GABRA4: variants seen among roughly 807,000 people sequenced by gnomAD.
The protein encoded by GABRA4 is gamma-aminobutyric acid type A receptor subunit alpha4.
GABRA4 carries 12 observed loss-of-function variants against 49.7 expected under a neutral mutation model. The ratio of observed to expected loss-of-function variants is 0.24; its 90% CI spans 0.15 to 0.39. The LOEUF (loss-of-function observed/expected upper bound fraction) is 0.39. GABRA4 is among the 10% of genes least tolerant of loss of function. The pLI, the probability that GABRA4 is intolerant of heterozygous loss-of-function variation, is 1.00. For synonymous variants in GABRA4, 288 were observed against 240.2 expected, an observed-to-expected ratio of 1.20 and a Z score of -1.84; for missense variants, 506 against 686.0, an observed-to-expected ratio of 0.74 and a Z score of 2.93.
intron 8 of GABRA4, among the ~76,000 whole-genome samples, chr4:46,955,494 G>A (rs141106149): frequency 2.6e-5 from 4 of 151,706 alleles, no homozygotes; most frequent in South Asian, 2.1e-4. Context: ...TTACTTTTTC[G>A]CATTTCAAAG....
At position 46,919,230 on chromosome 4, in the gene GABRA4, T is replaced by A. The variant is rs1401327648; in HGVS notation, c.*8995A>T. ...ACTTAAAGGGACAGTGTTTAAAAAA[T>A]CATTTCCTGATGAATTACTTTAAAA... On this transcript the variant is annotated 3_prime_UTR_variant, in exon 9 of 9. Coordinates refer to ENST00000264318, the MANE Select transcript of GABRA4 (RefSeq NM_000809.4). The A allele has an allele frequency of 6.6e-6, 1 of 151,600 alleles. No individual in the cohort carries two copies. The highest frequency in any genetic ancestry group is 1.5e-5 in the Non-Finnish European group (1 of 67,578). The allele number at this position is 151,600 out of a possible 1,614,324, so 9.4% of individuals were successfully genotyped here. A position where few individuals can be genotyped will look rare whatever the true frequency, so the allele number is the denominator to read the frequency against.
chr4:46,974,331 G>T lies in GABRA4; in HGVS notation c.622C>A (p.Pro208Thr). 2 of 1,611,666 alleles carry T rather than the reference G, an allele frequency of 1.2e-6. No homozygotes were observed. Among genetic ancestry groups the T allele is most frequent in the East Asian group, 4.5e-5 (2 of 44,736 alleles). The change falls in exon 6 of 9, where the codon CCT becomes ACT. Residue 208 changes from proline (P) to threonine (T), a missense_variant. By Grantham distance (38) the Pro-to-Thr change is conservative (BLOSUM62 -1). Coordinates refer to ENST00000264318, the MANE Select transcript of GABRA4 (RefSeq NM_000809.4). The stretch of plus-strand genomic sequence containing the variant: ...TTCGGAACTTCAACTGATTTCTCAG[G>T]ACCTTTTGTCCAGGTATAGATCATC... ...SEMIYTWTKG[P>T]EKSVEVPKES...
chr4:46,946,973 T>C (rs1722003974), intron 8 of GABRA4, among the ~76,000 whole-genome samples: 1 of 152,080 alleles, frequency 6.6e-6, no homozygotes, highest in African/African-American at 2.4e-5. Context: ...CTCTTGGTTT[T>C]AAAATACTTT....
intron 2 of GABRA4, among the ~76,000 whole-genome samples, chr4:46,979,972 T>C (rs1723290660): frequency 6.6e-6 from 1 of 152,094 alleles, no homozygotes; most frequent in African/African-American, 2.4e-5. Flanking sequence ...GAACACAATC[T>C]GGGTTTAACA....
chr4:46,955,250 C>A (rs1473667482), intron 8 of GABRA4, among the ~76,000 whole-genome samples: 1 of 152,038 alleles, frequency 6.6e-6, no homozygotes, highest in Non-Finnish European at 1.5e-5. Flanking sequence ...TTACTCCCTC[C>A]TTGATCACCA....
At chr4:46,992,583 A>T in intron 2 of GABRA4, 1 of 505,184 alleles carries the variant, frequency 2.0e-6, no homozygotes. Flanking sequence ...CCCACCCAGC[A>T]GTCAGGTCCC....
intron 8 of GABRA4, among the ~76,000 whole-genome samples, chr4:46,932,279 T>C (rs183049119): frequency 7.7e-4 from 117 of 152,296 alleles, no homozygotes; most frequent in African/African-American, 2.6e-3. Context: ...GATCAACTTA[T>C]TCCATTACCT....
Position 46,920,147 on chromosome 4 carries a change from A to C in GABRA4, c.*8078T>G, listed in dbSNP as rs749902022. On this transcript the variant is annotated 3_prime_UTR_variant, in exon 9 of 9. Coordinates refer to ENST00000264318, the MANE Select transcript of GABRA4 (RefSeq NM_000809.4). ...AAAAAAATATGTCAATCAAACTTTA[A>C]CTGAAATGCTATACATTGTCTGTTA... is the stretch of plus-strand genomic sequence containing the variant. The C allele has an allele frequency of 3.3e-5, 5 of 151,700 alleles. No homozygotes were observed. The highest frequency in any genetic ancestry group is 1.9e-4 in the East Asian group (1 of 5,186). 9.4% of individuals were successfully genotyped at this position (151,700 alleles called of 1,614,324 possible). A position where few individuals can be genotyped will look rare whatever the true frequency, so the allele number is the denominator to read the frequency against.
At chr4:46,974,402 G>T (rs746572259) in intron 5 of GABRA4, 27 bp from the exon 6 acceptor site, 7 of 1,592,044 alleles carry the variant, frequency 4.4e-6, no homozygotes, top group Non-Finnish European at 6.0e-6. Flanking sequence ...AATGTGGTTA[G>T]AGTCAATGCT....
At chr4:46,945,978 A>G (rs1232919119) in intron 8 of GABRA4, among the ~76,000 whole-genome samples, 1 of 152,154 alleles carries the variant, frequency 6.6e-6, no homozygotes, top group Non-Finnish European at 1.5e-5. Flanking sequence ...AATCAATGAG[A>G]GGTAACATTG....
rs1392594608 is a variant in GABRA4, at chr4:46,964,986, G to A, written c.1118C>T (p.Pro373Leu). Residue 373 changes from proline to leucine, a missense_variant, in exon 8 of 9, where the codon CCT (proline) becomes CTT (leucine). By Grantham distance (98) the Pro-to-Leu change is moderately conservative. Transcript: ENST00000264318. ...PAAPVQREKHPEAPLQNTNAN... is the reference protein window; with the variant it reads ...PAAPVQREKHLEAPLQNTNAN... ...GTCAAATACCTGCAGAGGGGCTTCA[G>A]GATGCTTCTCTCTCTGCACTGGAGC... is the stretch of plus-strand genomic sequence containing the variant. The A allele has an allele frequency of 3.1e-6, 5 of 1,602,884 alleles. No homozygotes were observed. The highest frequency in any genetic ancestry group is 1.7e-4 in the Middle Eastern group (1 of 6,010).
At chr4:46,976,930 G>T in intron 5 of GABRA4, 131 bp downstream of exon 5, 1 of 555,152 alleles carries the variant, frequency 1.8e-6, no homozygotes, top group Non-Finnish European at 3.2e-6. Flanking sequence ...GAAATCTCCA[G>T]AAATAAAACC....
At chr4:46,936,167 A>G (rs914170591) in intron 8 of GABRA4, among the ~76,000 whole-genome samples, 2 of 151,732 alleles carry the variant, frequency 1.3e-5, no homozygotes, top group Admixed American at 1.3e-4. Flanking sequence ...TACAGCCACA[A>G]GTGTTTCAAT....
In GABRA4 at chr4:46,993,355, G is replaced by A. The variant is rs1723850360; in HGVS notation, c.70C>T (p.Leu24=). The change falls in exon 1 of 9, where the codon CTG becomes TTG. Residue 24 remains leucine (L), a synonymous_variant. Coordinates refer to ENST00000264318, the MANE Select transcript of GABRA4 (RefSeq NM_000809.4). ...AGVSFALLRF[L]CLAVCLNESP... is the part of the protein sequence containing the mutation. ...AGAACTCACCAAACCGCCAGGCACA[G>A]GAAGCGCAGGAGGGCGAAACTGACC... 6.2e-7 allele frequency: 1 copy of A among 1,614,210 alleles called. No homozygotes were observed. The highest frequency in any genetic ancestry group is 2.2e-5 in the East Asian group (1 of 44,876).
chr4:46,939,092 T>C lies in GABRA4; in HGVS notation c.1135-10337A>G, dbSNP rs78629906. Among the ~76,000 whole-genome samples, 299 of 152,080 alleles carry C rather than the reference T, an allele frequency of 2.0e-3. 7 individuals carry two copies. The East Asian group carries it at 0.039, about 20-fold the overall frequency. On this transcript the variant is annotated intron_variant, in intron 8 of 8. Transcript: ENST00000264318. ...GGCAAAAGAGCTCCTCATTCCCTTA[T>C]GGGGTGAGGGAAGAAGATGCTGTTG...
chr4:46,947,561 G>A (rs1219578589), intron 8 of GABRA4, among the ~76,000 whole-genome samples: 1 of 151,652 alleles, frequency 6.6e-6, no homozygotes, highest in Non-Finnish European at 1.5e-5. Flanking sequence ...AGGATAGAAA[G>A]AAGAAAAGGC....
chr4:46,957,414 T>C (rs954359472), intron 8 of GABRA4, among the ~76,000 whole-genome samples: 2 of 152,012 alleles, frequency 1.3e-5, no homozygotes, highest in Non-Finnish European at 2.9e-5. Flanking sequence ...ATCTATGGAC[T>C]TTAAAATTGA....
chr4:46,956,916 A>G (rs924978629), intron 8 of GABRA4, among the ~76,000 whole-genome samples: 2 of 152,098 alleles, frequency 1.3e-5, no homozygotes, highest in Non-Finnish European at 2.9e-5. Context: ...TGAAGCTATA[A>G]TTCATTTTAT....
At chr4:46,974,722 T>C (rs558314105) in intron 5 of GABRA4, among the ~76,000 whole-genome samples, 35 of 152,042 alleles carry the variant, frequency 2.3e-4, no homozygotes, top group African/African-American at 7.9e-4. Flanking sequence ...AGCAGATATA[T>C]TGAACTCCCA....
Sources: gnomAD v4.1 joint callset for allele counts (sites outside exome capture counted in the v4.1 genomes callset) on GRCh38, gnomAD v4.1.1 for gene constraint, MANE v1.5 for transcripts, NCBI Gene and HGNC (gene_info 2026-07-23, HGNC 2026-07-21) for gene names.